Variants in ANO4 observed in about 807,000 individuals in gnomAD.
ANO4 encodes anoctamin 4.
Under a neutral mutation model 141.9 loss-of-function variants are expected in ANO4, and 69 were observed. The ratio of observed to expected loss-of-function variants is 0.49; its 90% CI spans 0.40 to 0.59. ANO4 has a LOEUF of 0.59. ANO4 is among the 20% of genes least tolerant of loss of function. The probability of loss-of-function intolerance (pLI) is 0.00; values close to 1 mark genes in which losing one functional copy is unlikely to be tolerated. For synonymous variants in ANO4, 350 were observed against 394.3 expected (o/e 0.89, Z 1.33); for missense variants, 894 against 1,162.2 (o/e 0.77, Z 3.36).
At chr12:100,966,969 G>A (rs1468046854) in intron 5 of ANO4, among the ~76,000 whole-genome samples, 3 of 151,642 alleles carry the variant, frequency 2.0e-5, no homozygotes, top group African/African-American at 7.3e-5. Flanking sequence ...TAGTGGCATG[G>A]CATTTCTCCT....
chr12:101,068,735 A>C, intron 14 of ANO4: 1 of 1,300,038 alleles, frequency 7.7e-7, no homozygotes, highest in Non-Finnish European at 1.1e-6. Context: ...TCTCATAAAA[A>C]TGTTGCCGAT....
chr12:100,750,528 C>A (rs1382298207), intron 3 of ANO4, among the ~76,000 whole-genome samples: 1 of 151,946 alleles, frequency 6.6e-6, no homozygotes, highest in African/African-American at 2.4e-5. Flanking sequence ...ACACAGGTAA[C>A]AAAAAATATT....
chr12:101,002,355 G>A (rs376893174), intron 8 of ANO4, among the ~76,000 whole-genome samples: 4 of 152,348 alleles, frequency 2.6e-5, no homozygotes, highest in South Asian at 2.1e-4. Flanking sequence ...CTGCAGGAGT[G>A]AATAATGCAC....
intron 9 of ANO4, 61 bp downstream of exon 9, chr12:101,020,201 C>T (rs1456715315): frequency 8.3e-7 from 1 of 1,198,022 alleles, no homozygotes; most frequent in African/African-American, 1.5e-5. Context: ...GACTTCTTCC[C>T]TTGGTTTTAT....
intron 1 of ANO4, among the ~76,000 whole-genome samples, chr12:100,816,281 G>A (rs989006864): frequency 6.6e-6 from 1 of 152,006 alleles, no homozygotes; most frequent in Admixed American, 6.6e-5. Context: ...TATGATCACT[G>A]TTATGAGTTA....
intron 4 of ANO4, among the ~76,000 whole-genome samples, chr12:100,941,470 GTTGTCT>G (rs1309616418): frequency 4.6e-5 from 7 of 152,008 alleles, no homozygotes; most frequent in Non-Finnish European, 5.9e-5. Flanking sequence ...TTTTATCAGT[GTTGTCT>G]TTAAGATTCA....
intron 8 of ANO4, among the ~76,000 whole-genome samples, chr12:100,989,065 G>A (rs765374125): frequency 6.6e-6 from 1 of 152,130 alleles, no homozygotes; most frequent in Non-Finnish European, 1.5e-5. Flanking sequence ...ATGTGTAACA[G>A]TAAGAGCAGT....
At chr12:100,730,564 A>G (rs1322872964) in intron 1 of ANO4, among the ~76,000 whole-genome samples, 2 of 152,168 alleles carry the variant, frequency 1.3e-5, no homozygotes, top group African/African-American at 2.4e-5. Flanking sequence ...TTTAAAACCA[A>G]CGAACATTCA....
At chr12:101,053,058 C>T (rs1048717846) in intron 14 of ANO4, among the ~76,000 whole-genome samples, 2 of 152,130 alleles carry the variant, frequency 1.3e-5, no homozygotes, top group Admixed American at 6.5e-5. Context: ...AACTCATACA[C>T]AAAAATGAGT....
chr12:100,924,889 G>A (rs994686335), intron 3 of ANO4, among the ~76,000 whole-genome samples: 4 of 152,046 alleles, frequency 2.6e-5, no homozygotes, highest in Admixed American at 6.6e-5. Flanking sequence ...TTTATTACCA[G>A]ATCTTAGTAA....
At chr12:100,809,700 G>C (rs1404924760) in intron 1 of ANO4, among the ~76,000 whole-genome samples, 1 of 152,258 alleles carries the variant, frequency 6.6e-6, no homozygotes, top group African/African-American at 2.4e-5. Flanking sequence ...TATATGACAT[G>C]CGCAAGAGGT....
At position 100,877,357 on chromosome 12, in the gene ANO4, T is replaced by TTA. The variant is rs140180985; in HGVS notation, c.-140-24277_-140-24276dup. Among the ~76,000 whole-genome samples the TTA allele has an allele frequency of 3.1e-3, 464 of 150,418 alleles. 6 individuals are homozygous for TTA. The highest frequency in any genetic ancestry group is 9.9e-3 in the African/African-American group (404 of 40,876). ...TTTAATCATTCTATAATATATGATA[T>TTA]TATATATATATATCAAATCATCACA... On this transcript the variant is annotated intron_variant, in intron 1 of 27. Transcript: ENST00000392977.
intron 1 of ANO4, among the ~76,000 whole-genome samples, chr12:100,819,276 C>G (rs1169646881): frequency 6.6e-6 from 1 of 151,658 alleles, no homozygotes; most frequent in Admixed American, 6.6e-5. Context: ...GTAGAAAACC[C>G]ACAGTAGATT....
intron 5 of ANO4, among the ~76,000 whole-genome samples, chr12:100,949,086 A>T (rs982317403): frequency 1.3e-5 from 2 of 152,152 alleles, no homozygotes; most frequent in African/African-American, 4.8e-5. Flanking sequence ...TACAACCACA[A>T]GGAGATGAAT....
intron 14 of ANO4, among the ~76,000 whole-genome samples, chr12:101,057,915 T>G (rs1031496873): frequency 3.3e-5 from 5 of 152,250 alleles, no homozygotes; most frequent in Non-Finnish European, 7.3e-5. Flanking sequence ...GGTTTTGGTG[T>G]TGTAGTCATG....
intron 26 of ANO4, among the ~76,000 whole-genome samples, chr12:101,123,056 T>C (rs1238242153): frequency 2.0e-5 from 3 of 152,228 alleles, no homozygotes; most frequent in Non-Finnish European, 4.4e-5. Context: ...GGAAATTTCA[T>C]CTCTTGTCAC....
intron 10 of ANO4, chr12:101,038,760 G>A (rs1240110234): frequency 6.6e-6 from 1 of 152,132 alleles, no homozygotes; most frequent in Non-Finnish European, 1.5e-5. Context: ...CTTTCTCCTA[G>A]CCCTGTGTTC....
At chr12:100,958,435 T>A (rs967364826) in intron 5 of ANO4, among the ~76,000 whole-genome samples, 1 of 152,246 alleles carries the variant, frequency 6.6e-6, no homozygotes, top group Non-Finnish European at 1.5e-5. Context: ...TTCAAGGCAC[T>A]TGGGATACAT....
intron 8 of ANO4, among the ~76,000 whole-genome samples, chr12:101,014,797 G>A (rs1038027769): frequency 6.6e-6 from 1 of 152,236 alleles, no homozygotes; most frequent in South Asian, 2.1e-4. Flanking sequence ...ACCTAGAACA[G>A]AAATGTGCTT....
Sources: gnomAD v4.1 joint callset for allele counts (sites outside exome capture counted in the v4.1 genomes callset) on GRCh38, gnomAD v4.1.1 for gene constraint, MANE v1.5 for transcripts, NCBI Gene and HGNC (gene_info 2026-07-23, HGNC 2026-07-21) for gene names.